DNMBP: variants seen among roughly 807,000 people sequenced by gnomAD.
DNMBP encodes the protein dynamin binding protein.
In DNMBP, 87 loss-of-function variants were observed where a neutral mutation model predicts 150.0. That is an observed-to-expected ratio of 0.58 (90% confidence interval 0.49 to 0.69). The LOEUF is 0.69. Ranked by LOEUF, DNMBP falls within the 30% of genes least tolerant of loss-of-function variation. DNMBP has a pLI of 0.00. For missense variants in DNMBP, 1,774 were observed against 1,949.0 expected, an observed-to-expected ratio of 0.91 and a Z score of 1.69; for synonymous variants, 711 against 750.4, an observed-to-expected ratio of 0.95 and a Z score of 0.86.
chr10:100,004,812 G>A (rs1328081721), intron 1 of DNMBP, among the ~76,000 whole-genome samples: 1 of 152,180 alleles, frequency 6.6e-6, no homozygotes, highest in African/African-American at 2.4e-5. Context: ...AGAACTAAAT[G>A]AGAAGATTTG....
intron 11 of DNMBP, among the ~76,000 whole-genome samples, chr10:99,893,796 C>G (rs924624658): frequency 3.3e-5 from 5 of 152,052 alleles, no homozygotes; most frequent in Admixed American, 6.6e-5. Context: ...GTGTGAAACC[C>G]AAGATGCTAG....
At chr10:99,891,556 C>T (rs1343602514) in intron 11 of DNMBP, among the ~76,000 whole-genome samples, 1 of 152,008 alleles carries the variant, frequency 6.6e-6, no homozygotes, top group African/African-American at 2.4e-5. Context: ...GCCTTGGACT[C>T]CCAAAGTGCC....
chr10:99,886,267 AT>A (rs1303590156), intron 13 of DNMBP, 32 bp downstream of exon 13: 7 of 1,559,014 alleles, frequency 4.5e-6, no homozygotes, highest in East Asian at 2.3e-5. Flanking sequence ...AAGGCTATAG[AT>A]GACCATCCCA....
chr10:99,948,881 T>C (rs1003233708), intron 4 of DNMBP, among the ~76,000 whole-genome samples: 11 of 151,820 alleles, frequency 7.2e-5, no homozygotes, highest in African/African-American at 2.4e-4. Context: ...AAGAATCACT[T>C]GAACCCGGGA....
At chr10:99,927,992 T>C (rs1271308943) in intron 4 of DNMBP, among the ~76,000 whole-genome samples, 3 of 152,064 alleles carry the variant, frequency 2.0e-5, no homozygotes, top group Non-Finnish European at 4.4e-5. Context: ...AAAACCAATA[T>C]AAAGAATCAC....
chr10:99,960,605 A>C (rs2133339633), intron 3 of DNMBP, among the ~76,000 whole-genome samples: 1 of 152,302 alleles, frequency 6.6e-6, no homozygotes, highest in African/African-American at 2.4e-5. Flanking sequence ...TCAGGAGTTC[A>C]AGACTAGCCT....
At chr10:99,997,561 T>C (rs1393921868) in intron 1 of DNMBP, among the ~76,000 whole-genome samples, 1 of 151,996 alleles carries the variant, frequency 6.6e-6, no homozygotes, top group Non-Finnish European at 1.5e-5. Flanking sequence ...CAAAGTTATA[T>C]CAGACACCCT....
Position 99,956,452 on chromosome 10 carries a change from G to A in DNMBP, c.1022C>T (p.Thr341Ile), listed in dbSNP as rs765578601. 12 of 1,613,918 alleles carry A rather than the reference G, an allele frequency of 7.4e-6. No individual in the cohort carries two copies. The African/African-American group carries it at 1.2e-4, about 16-fold the overall frequency. ...TLGVEEQRHETSDHEAEEPDC... is the reference protein window; with the variant it reads ...TLGVEEQRHEISDHEAEEPDC... ...AGGCTCCTCGGCCTCATGGTCACTGGTTTCATGTCTTTGTTCCTCTACTCC... is the reference window on the plus strand; with the variant it reads ...AGGCTCCTCGGCCTCATGGTCACTGATTTCATGTCTTTGTTCCTCTACTCC... The change falls in exon 4 of 17, where the codon ACC (threonine) becomes ATC (isoleucine). Residue 341 changes from threonine to isoleucine, a missense_variant. Thr to Ile is a moderately conservative substitution (Grantham distance 89, BLOSUM62 -1). Coordinates refer to ENST00000324109, the MANE Select transcript of DNMBP (RefSeq NM_015221.4).
intron 4 of DNMBP, among the ~76,000 whole-genome samples, chr10:99,934,143 A>C (rs550967228): frequency 8.5e-5 from 13 of 152,334 alleles, no homozygotes; most frequent in Admixed American, 7.2e-4. Context: ...CACTGAAACC[A>C]AATAATATCA....
rs1340443006 is a variant in DNMBP, at chr10:100,009,874, G to A, written c.-47C>T. 1.3e-5 allele frequency: 2 copies of A among 148,454 alleles called. No individual in the cohort carries two copies. The highest frequency in any genetic ancestry group is 1.9e-4 in the East Asian group (1 of 5,142). The allele number at this position is 148,454 out of a possible 1,614,324, so 9.2% of individuals were successfully genotyped here. On this transcript the variant is annotated 5_prime_UTR_variant, in exon 1 of 17. Transcript: ENST00000324109. ...CGCCCGGCGGTCCCTCGGCGCGGCA[G>A]GCAGTTGCAGCCGCCAGTCCCCAGC...
chr10:99,966,201 G>A (rs1278638151), intron 3 of DNMBP, among the ~76,000 whole-genome samples: 1 of 152,096 alleles, frequency 6.6e-6, no homozygotes, highest in Non-Finnish European at 1.5e-5. Flanking sequence ...GAAAGGCATA[G>A]AAGGAAAGCT....
At chr10:99,898,053 A>C in intron 9 of DNMBP, 33 bp downstream of exon 9, 1 of 1,578,720 alleles carries the variant, frequency 6.3e-7, no homozygotes, top group Non-Finnish European at 8.7e-7. Flanking sequence ...CTCAAAGGGC[A>C]TACCTCCTTT....
At chr10:99,914,045 A>AC in intron 4 of DNMBP, 4 of 1,490,316 alleles carry the variant, frequency 2.7e-6, no homozygotes, top group East Asian at 2.7e-5. Context: ...ATGCTCCACA[A>AC]CCCCCCAAAC....
rs755885685 is a variant in DNMBP, at chr10:99,898,216, C to T, written c.2790G>A (p.Pro930=). 14 of 1,613,792 alleles carry T rather than the reference C, an allele frequency of 8.7e-6. No individual in the cohort carries two copies. The highest frequency in any genetic ancestry group is 1.6e-4 in the Middle Eastern group (1 of 6,082). ...AATTCAGCAACTCCATTAGCAACAG[C>T]GGGTAACGCATTACTCTCTGTACTG... ...IKPVQRVMRY[P]LLLMELLNST... The change falls in exon 9 of 17, where the codon CCG becomes CCA. Residue 930 remains proline, a synonymous_variant. Coordinates refer to ENST00000324109, the MANE Select transcript of DNMBP (RefSeq NM_015221.4).
intron 3 of DNMBP, among the ~76,000 whole-genome samples, chr10:99,964,025 A>AT (rs1351607838): frequency 6.6e-6 from 1 of 150,886 alleles, no homozygotes; most frequent in Non-Finnish European, 1.5e-5. Context: ...TAGGCAAGGG[A>AT]TGAGGATTCT....
intron 4 of DNMBP, among the ~76,000 whole-genome samples, chr10:99,942,259 T>A (rs1256232149): frequency 2.6e-5 from 4 of 152,194 alleles, no homozygotes; most frequent in African/African-American, 9.7e-5. Flanking sequence ...TGTTTTCCCT[T>A]CTGACAAAAA....
intron 4 of DNMBP, among the ~76,000 whole-genome samples, chr10:99,924,281 CA>C (rs1165772290): frequency 1.3e-3 from 155 of 123,568 alleles, no homozygotes; most frequent in Non-Finnish European, 1.3e-3. Context: ...ACTAAAAATA[CA>C]AAAAAAAAAA....
chr10:99,888,088 G>C (rs866943955), intron 12 of DNMBP, among the ~76,000 whole-genome samples: 1 of 152,098 alleles, frequency 6.6e-6, no homozygotes, highest in African/African-American at 2.4e-5. Flanking sequence ...CTCCCAAAAT[G>C]CTGGGATTAG....
intron 2 of DNMBP, 107 bp downstream of exon 2, chr10:99,971,873 T>TTTTTG: frequency 2.1e-6 from 2 of 939,076 alleles, no homozygotes; most frequent in South Asian, 2.0e-5. Flanking sequence ...TTTTTTTTTT[T>TTTTTG]AAGACAGGGT....
Sources: gnomAD v4.1 joint callset for allele counts (sites outside exome capture counted in the v4.1 genomes callset) on GRCh38, gnomAD v4.1.1 for gene constraint, MANE v1.5 for transcripts, NCBI Gene and HGNC (gene_info 2026-07-23, HGNC 2026-07-21) for gene names.